LRRK1: variants seen among roughly 807,000 people sequenced by gnomAD.
The protein encoded by LRRK1 is leucine rich repeat kinase 1.
A neutral mutation model predicts 209.1 loss-of-function variants in LRRK1; 113 were observed. The observed-to-expected ratio is 0.54, with a 90% confidence interval of 0.46 to 0.63. The LOEUF is 0.63. Among genes scored for constraint, LRRK1 ranks in the 30% least tolerant of loss-of-function variants. The probability of loss-of-function intolerance (pLI) is 0.00; values close to 1 mark genes in which losing one functional copy is unlikely to be tolerated. For missense variants in LRRK1, 2,284 were observed against 2,632.2 expected, an observed-to-expected ratio of 0.87 and a Z score of 2.89; for synonymous variants, 1,144 against 1,099.7, an observed-to-expected ratio of 1.04 and a Z score of -0.80.
At chr15:100,951,492 A>G (rs2042651208) in intron 2 of LRRK1, among the ~76,000 whole-genome samples, 1 of 152,158 alleles carries the variant, frequency 6.6e-6, no homozygotes, top group African/African-American at 2.4e-5. Flanking sequence ...CTTGCACATA[A>G]GTGATCACGG....
At chr15:101,018,730 G>A (rs914565585) in intron 12 of LRRK1, among the ~76,000 whole-genome samples, 11 of 152,232 alleles carry the variant, frequency 7.2e-5, no homozygotes, top group Admixed American at 2.0e-4. Context: ...GCGCCCCTGG[G>A]AGGTTCTCTG....
chr15:101,057,885 A>G, intron 28 of LRRK1, 105 bp from the exon 29 acceptor site: 1 of 1,241,002 alleles, frequency 8.1e-7, no homozygotes, highest in Non-Finnish European at 1.2e-6. Context: ...AATGAACAGA[A>G]TCCCTCATTC....
At chr15:100,994,831 T>G (rs2032325830) in intron 6 of LRRK1, among the ~76,000 whole-genome samples, 1 of 152,174 alleles carries the variant, frequency 6.6e-6, no homozygotes, top group Non-Finnish European at 1.5e-5. Flanking sequence ...TCGGTGCTGC[T>G]GGCAGAAGAG....
At chr15:101,034,987 T>C (rs1017946567) in intron 20 of LRRK1, among the ~76,000 whole-genome samples, 1 of 152,124 alleles carries the variant, frequency 6.6e-6, no homozygotes, top group Non-Finnish European at 1.5e-5. Context: ...TTTTCTCTTC[T>C]TGGTTACTCT....
Position 101,074,504 on chromosome 15 carries a change from C to A in LRRK1, c.*5656C>A, listed in dbSNP as rs1458666189. 1 of 152,132 alleles carries A rather than the reference C, an allele frequency of 6.6e-6. No homozygotes were observed. The highest frequency in any genetic ancestry group is 2.4e-5 in the African/African-American group (1 of 41,410). The allele number at this position is 152,132 out of a possible 1,614,324, so 9.4% of individuals were successfully genotyped here. A position where few individuals can be genotyped will look rare whatever the true frequency, so the allele number is the denominator to read the frequency against. Reference sequence around the variant, plus strand: ...GTTCATGCCTCGTTTGGCAGCAACCCTGAGACACTTTACGGCCCTAGACCC... The same window carrying A: ...GTTCATGCCTCGTTTGGCAGCAACCATGAGACACTTTACGGCCCTAGACCC... On this transcript the variant is annotated 3_prime_UTR_variant, in exon 34 of 34. Transcript: ENST00000388948.
rs750875827 is a variant in LRRK1 at position 101,028,940 on chromosome 15, T to C, written c.2687-16T>C. Reference sequence around the variant, plus strand: ...TTTGTCTAACTGCTGCTTCCTCCTCTCCTTGCCTGGGGCAGCCATCAGCTT... The same window carrying C: ...TTTGTCTAACTGCTGCTTCCTCCTCCCCTTGCCTGGGGCAGCCATCAGCTT... On this transcript the variant is annotated splice_polypyrimidine_tract_variant and intron_variant, in intron 19 of 33. Transcript: ENST00000388948. The C allele has an allele frequency of 8.1e-6, 13 of 1,612,652 alleles. No individual in the cohort carries two copies. The highest frequency in any genetic ancestry group is 1.0e-5 in the Non-Finnish European group (12 of 1,179,328).
chr15:101,005,987 C>T (rs1482315307), intron 6 of LRRK1, among the ~76,000 whole-genome samples: 1 of 152,164 alleles, frequency 6.6e-6, no homozygotes, highest in Non-Finnish European at 1.5e-5. Context: ...GAGGCTAAAC[C>T]CATGGGGCAA....
chr15:100,987,646 A>G (rs1229536535), intron 4 of LRRK1, among the ~76,000 whole-genome samples: 1 of 152,188 alleles, frequency 6.6e-6, no homozygotes, highest in African/African-American at 2.4e-5. Flanking sequence ...ACACAACATC[A>G]TGAGTTAGGG....
chr15:101,029,310 G>T, intron 20 of LRRK1, 78 bp downstream of exon 20: 2 of 1,401,892 alleles, frequency 1.4e-6, no homozygotes, highest in Non-Finnish European at 1.9e-6. Flanking sequence ...GCCACTGGTG[G>T]CCTGAACAAG....
intron 31 of LRRK1, chr15:101,064,885 G>C (rs1000243471): frequency 2.4e-5 from 4 of 170,080 alleles, no homozygotes; most frequent in African/African-American, 9.6e-5. Flanking sequence ...GGTGGGGGGG[G>C]TGGCAGGCAG....
At chr15:100,922,863 G>C (rs1402345729) in intron 1 of LRRK1, among the ~76,000 whole-genome samples, 2 of 152,178 alleles carry the variant, frequency 1.3e-5, no homozygotes, top group Non-Finnish European at 2.9e-5. Flanking sequence ...CTTGCACAAG[G>C]CTGCTGGAGC....
intron 23 of LRRK1, 116 bp downstream of exon 23, chr15:101,049,899 C>G (rs1399877693): frequency 4.0e-5 from 47 of 1,180,030 alleles, no homozygotes; most frequent in Non-Finnish European, 5.0e-5. Context: ...CCCAAGAAAA[C>G]TAGGGGGTCT....
rs1385856261 is a variant in LRRK1, at chr15:101,074,980, T to A, written c.*6132T>A. The A allele has an allele frequency of 6.9e-6, 1 of 144,682 alleles. No homozygotes were observed. The highest frequency in any genetic ancestry group is 2.7e-5 in the African/African-American group (1 of 37,248). The allele number at this position is 144,682 out of a possible 1,614,324, so 9.0% of individuals were successfully genotyped here. ...GGCCCAAGGCTCTCTGACTGACTCC[T>A]TCCCAGATCTTCTTGGCTTAGCGGC... is the stretch of plus-strand genomic sequence containing the variant. On this transcript the variant is annotated 3_prime_UTR_variant, in exon 34 of 34. Coordinates refer to ENST00000388948, the MANE Select transcript of LRRK1 (RefSeq NM_024652.6).
intron 2 of LRRK1, among the ~76,000 whole-genome samples, chr15:100,939,867 C>G (rs1268560324): frequency 6.6e-6 from 1 of 152,142 alleles, no homozygotes; most frequent in African/African-American, 2.4e-5. Flanking sequence ...TGAAGGCGGC[C>G]AATGAAGGTG....
At chr15:100,945,072 G>A (rs528755333) in intron 2 of LRRK1, among the ~76,000 whole-genome samples, 2 of 152,314 alleles carry the variant, frequency 1.3e-5, no homozygotes, top group South Asian at 4.1e-4. Flanking sequence ...AGTTATACAG[G>A]CGGTCTCCTC....
chr15:101,056,471 T>C (rs1356847585), intron 27 of LRRK1, among the ~76,000 whole-genome samples: 1 of 151,938 alleles, frequency 6.6e-6, no homozygotes, highest in Non-Finnish European at 1.5e-5. Context: ...ATGGACAATA[T>C]GGTGGGAAGT....
intron 3 of LRRK1, among the ~76,000 whole-genome samples, chr15:100,975,993 G>A (rs1028137519): frequency 3.3e-5 from 5 of 152,026 alleles, no homozygotes; most frequent in African/African-American, 1.2e-4. Context: ...GAATATAAAA[G>A]AGAACTTCAT....
At chr15:101,014,204 G>A in intron 10 of LRRK1, 112 bp from the exon 11 acceptor site, 1 of 736,110 alleles carries the variant, frequency 1.4e-6, no homozygotes. Flanking sequence ...AAGGAAAATT[G>A]GTTGGAATCG....
In LRRK1 at chr15:101,014,302, CCTCT is replaced by C. The variant is rs373037498; in HGVS notation, c.1420-6_1420-3del. ...TGCTATCTTAGCTTCTCTCTCCCTC[CCTCT>C]CTCTCTCAGGCCCTCATGTTCTTGA... On this transcript the variant is annotated splice_polypyrimidine_tract_variant and intron_variant, in intron 10 of 33. Transcript: ENST00000388948. 1.3e-6 allele frequency: 2 copies of C among 1,564,812 alleles called. No individual in the cohort carries two copies. Among genetic ancestry groups the C allele is most frequent in the East Asian group, 4.5e-5 (2 of 44,452 alleles).
Sources: allele counts gnomAD v4.1 joint callset (sites outside exome capture counted in the v4.1 genomes callset), GRCh38; gene constraint gnomAD v4.1.1; transcripts MANE v1.5; gene names NCBI Gene and HGNC (gene_info 2026-07-23, HGNC 2026-07-21).